The following TLK1 variants were observed in gnomAD, a reference collection of about 807,000 sequenced individuals.
TLK1 encodes the protein serine/threonine-protein kinase tousled-like 1.
TLK1 carries 24 observed loss-of-function variants against 105.3 expected under a neutral mutation model. The ratio of observed to expected loss-of-function variants is 0.23; its 90% CI spans 0.17 to 0.32. The LOEUF (loss-of-function observed/expected upper bound fraction) is 0.32, where lower values mean the gene tolerates loss of function less well. Ranked by LOEUF, TLK1 falls within the 10% of genes least tolerant of loss-of-function variation. TLK1 has a pLI of 1.00. For synonymous variants in TLK1, 321 were observed against 310.4 expected, an observed-to-expected ratio of 1.03 and a Z score of -0.36; for missense variants, 558 against 910.5, an observed-to-expected ratio of 0.61 and a Z score of 4.98.
At chr2:171,052,502 C>T (rs1242012335) in intron 8 of TLK1, among the ~76,000 whole-genome samples, 2 of 152,124 alleles carry the variant, frequency 1.3e-5, no homozygotes, top group African/African-American at 4.8e-5. Flanking sequence ...TTATGGTATA[C>T]TTGTAACACC....
chr2:171,162,525 G>C (rs1024367982), upstream of TLK1, among the ~76,000 whole-genome samples: 14 of 152,170 alleles, frequency 9.2e-5, no homozygotes, highest in African/African-American at 3.4e-4. Flanking sequence ...GCGACAGAGC[G>C]AGACTCCTAG....
intron 11 of TLK1, among the ~76,000 whole-genome samples, chr2:171,041,634 C>T (rs929226223): frequency 2.0e-5 from 3 of 152,142 alleles, no homozygotes; most frequent in East Asian, 1.9e-4. Context: ...AATACAATGC[C>T]TGATTATCTG....
At chr2:171,018,452 A>G (rs1325165671) in intron 12 of TLK1, among the ~76,000 whole-genome samples, 1 of 152,250 alleles carries the variant, frequency 6.6e-6, no homozygotes, top group Non-Finnish European at 1.5e-5. Flanking sequence ...GGCCCAGGGT[A>G]CAATAGTTTG....
chr2:171,058,215 CATG>C lies in TLK1; in HGVS notation c.407-21_407-19del. On this transcript the variant is annotated intron_variant, in intron 4 of 20. Transcript: ENST00000431350. Reference sequence around the variant, plus strand: ...ACTTTTTCCTAAAATATAAGAAGCGCATGATGTTAGTAGGGTAGTGATGGGCAT... The same window carrying C: ...ACTTTTTCCTAAAATATAAGAAGCGCATGTTAGTAGGGTAGTGATGGGCAT... 4 of 1,612,998 alleles carry C rather than the reference CATG, an allele frequency of 2.5e-6. No individual in the cohort carries two copies. Among genetic ancestry groups the C allele is most frequent in the Non-Finnish European group, 3.4e-6 (4 of 1,179,206 alleles).
chr2:171,025,997 A>G (rs946875696), intron 12 of TLK1, among the ~76,000 whole-genome samples: 1 of 152,158 alleles, frequency 6.6e-6, no homozygotes, highest in Non-Finnish European at 1.5e-5. Context: ...ATGACATGAG[A>G]GTATGTTTCA....
In TLK1 at chr2:171,218,634, G is replaced by A. The variant is rs375546404; in HGVS notation, c.-6+12511C>T. Among the ~76,000 whole-genome samples the A allele has an allele frequency of 1.1e-4, 17 of 152,312 alleles. 1 individual carries two copies. The East Asian group carries it at 1.3e-3, about 12-fold the overall frequency. Reference sequence around the variant, plus strand: ...TGCCAGCAGGTTTGATGTCTGGCAAGGGCTGCTCTCTGCTTCCAAGATGGC... The same window carrying A: ...TGCCAGCAGGTTTGATGTCTGGCAAAGGCTGCTCTCTGCTTCCAAGATGGC... On this transcript the variant is annotated intron_variant, in intron 1 of 20. Coordinates refer to the TLK1 transcript ENST00000521943.
chr2:171,132,965 T>C (rs1489033454), intron 1 of TLK1, among the ~76,000 whole-genome samples: 1 of 152,214 alleles, frequency 6.6e-6, no homozygotes, highest in Non-Finnish European at 1.5e-5. Flanking sequence ...AATGTCTAAC[T>C]TACTGGCTTG....
chr2:171,031,892 G>A (rs577647423), intron 11 of TLK1, among the ~76,000 whole-genome samples: 2 of 152,214 alleles, frequency 1.3e-5, no homozygotes, highest in Admixed American at 1.3e-4. Context: ...AAGCCTCAAA[G>A]AACACAAACT....
intron 12 of TLK1, among the ~76,000 whole-genome samples, chr2:171,020,471 C>G (rs1339874146): frequency 6.6e-6 from 1 of 150,534 alleles, no homozygotes; most frequent in African/African-American, 2.4e-5. Flanking sequence ...ACCCAGGAGT[C>G]GGAGGTTGCA....
intron 13 of TLK1, among the ~76,000 whole-genome samples, chr2:171,012,682 T>C (rs1248252086): frequency 6.6e-6 from 1 of 152,148 alleles, no homozygotes; most frequent in Non-Finnish European, 1.5e-5. Flanking sequence ...TTTCACCATA[T>C]TGGCCAGGCT....
intron 1 of TLK1, among the ~76,000 whole-genome samples, chr2:171,207,503 T>C (rs575097140): frequency 3.6e-4 from 55 of 152,252 alleles, no homozygotes; most frequent in Admixed American, 1.2e-3. Context: ...GGAACCCTAA[T>C]ACAAACAATG....
In TLK1 at chr2:171,101,285, G is replaced by A. The variant is rs1414587010; in HGVS notation, c.258+16454C>T. 3.5e-5 allele frequency among the ~76,000 whole-genome samples: 5 copies of A among 143,838 alleles called. No individual in the cohort carries two copies. In the East Asian group the frequency reaches 1.0e-3, roughly 29 times the overall value. 94.4% of individuals were successfully genotyped at this position (143,838 alleles called of 152,430 possible). A position where few individuals can be genotyped will look rare whatever the true frequency, so the allele number is the denominator to read the frequency against. ...CACTTGAACCCAGAAGGTGGAGGTT[G>A]CAGTGAGCCAAGATAGCGCCACTGC... On this transcript the variant is annotated intron_variant, in intron 2 of 20. Coordinates refer to ENST00000431350, the MANE Select transcript of TLK1 (RefSeq NM_012290.5).
intron 2 of TLK1, among the ~76,000 whole-genome samples, chr2:171,103,514 T>C (rs1689787896): frequency 6.6e-6 from 1 of 152,030 alleles, no homozygotes. Flanking sequence ...AGTGGTGGGA[T>C]TACAGGCATG....
intron 1 of TLK1, among the ~76,000 whole-genome samples, chr2:171,142,010 G>A (rs111281274): frequency 0.013 from 1,912 of 152,196 alleles, 19 homozygotes; most frequent in Non-Finnish European, 0.019. Context: ...TGTAATTCTG[G>A]AGAGGGAAAT....
At chr2:171,113,431 C>A (rs1690269554) in intron 2 of TLK1, among the ~76,000 whole-genome samples, 1 of 151,982 alleles carries the variant, frequency 6.6e-6, no homozygotes, top group Non-Finnish European at 1.5e-5. Flanking sequence ...CCACCATGCC[C>A]AGCTAATTTT....
At chr2:171,027,046 A>G (rs1373855277) in intron 12 of TLK1, among the ~76,000 whole-genome samples, 1 of 152,136 alleles carries the variant, frequency 6.6e-6, no homozygotes, top group African/African-American at 2.4e-5. Flanking sequence ...ATATTAAAGG[A>G]TACTAATGCA....
chr2:171,223,572 T>C (rs1693846494), intron 1 of TLK1, among the ~76,000 whole-genome samples: 1 of 149,004 alleles, frequency 6.7e-6, no homozygotes, highest in Non-Finnish European at 1.5e-5. Context: ...CTCCACTTCC[T>C]GAGTTCAAGC....
At chr2:171,171,563 T>C (rs754223667) in intron 1 of TLK1, among the ~76,000 whole-genome samples, 12 of 146,134 alleles carry the variant, frequency 8.2e-5, no homozygotes, top group Non-Finnish European at 1.3e-4. Context: ...ATAGTTGCAA[T>C]ACATATATTT....
intron 8 of TLK1, among the ~76,000 whole-genome samples, chr2:171,052,282 G>T (rs1351229410): frequency 6.6e-6 from 1 of 151,958 alleles, no homozygotes; most frequent in Non-Finnish European, 1.5e-5. Flanking sequence ...AAAAAGACCA[G>T]ACCAAAAAAC....
Sources: allele counts gnomAD v4.1 joint callset (sites outside exome capture counted in the v4.1 genomes callset), GRCh38; gene constraint gnomAD v4.1.1; transcripts MANE v1.5; gene names NCBI Gene and HGNC (gene_info 2026-07-23, HGNC 2026-07-21).